Variants in C1GALT1 observed in about 807,000 individuals in gnomAD.
C1GALT1 encodes core 1 synthase, glycoprotein-N-acetylgalactosamine 3-beta-galactosyltransferase 1, also known as glycoprotein-N-acetylgalactosamine 3-beta-galactosyltransferase 1.
Under a neutral mutation model 31.0 loss-of-function variants are expected in C1GALT1, and 11 were observed. The observed-to-expected ratio is 0.36, with a 90% CI of 0.22 to 0.59. The LOEUF (loss-of-function observed/expected upper bound fraction) is 0.59, where lower values mean the gene tolerates loss of function less well. Ranked by LOEUF, C1GALT1 falls within the 20% of genes least tolerant of loss-of-function variation. The pLI, the probability that C1GALT1 is intolerant of heterozygous loss-of-function variation, is 0.79. For synonymous variants in C1GALT1, 175 were observed against 143.6 expected, an observed-to-expected ratio of 1.22 and a Z score of -1.56; for missense variants, 424 against 425.2, an observed-to-expected ratio of 1.00 and a Z score of 0.03.
chr7:7,196,819 G>C (rs1360080431), intron 1 of C1GALT1, among the ~76,000 whole-genome samples: 1 of 152,188 alleles, frequency 6.6e-6, no homozygotes, highest in African/African-American at 2.4e-5. Context: ...GGCCAGTGAT[G>C]ATGAGCATTT....
At chr7:7,230,623 T>C (rs1350106565) in intron 1 of C1GALT1, among the ~76,000 whole-genome samples, 23 of 33,826 alleles carry the variant, frequency 6.8e-4, no homozygotes, top group African/African-American at 3.5e-3. Flanking sequence ...CTATATTCCC[T>C]TTTTTTTTTT....
chr7:7,188,550 G>A (rs569752315), intron 1 of C1GALT1, among the ~76,000 whole-genome samples: 14 of 151,996 alleles, frequency 9.2e-5, no homozygotes, highest in South Asian at 4.1e-4. Flanking sequence ...AAAGTAATGT[G>A]TGTACCCGAT....
intron 1 of C1GALT1, among the ~76,000 whole-genome samples, chr7:7,213,405 A>T (rs768036298): frequency 3.9e-5 from 6 of 152,200 alleles, no homozygotes; most frequent in Admixed American, 6.5e-5. Flanking sequence ...AATCCCATAC[A>T]ATTTTGGAAC....
chr7:7,241,325 T>C (rs1783618470), intron 3 of C1GALT1, among the ~76,000 whole-genome samples: 1 of 152,028 alleles, frequency 6.6e-6, no homozygotes, highest in African/African-American at 2.4e-5. Context: ...CACTGTAACC[T>C]TACTTATAGT....
chr7:7,196,381 G>A (rs1054103984), intron 1 of C1GALT1, among the ~76,000 whole-genome samples: 3 of 152,072 alleles, frequency 2.0e-5, no homozygotes, highest in African/African-American at 7.2e-5. Context: ...TGTCCCTACA[G>A]AGGACATGAA....
At chr7:7,160,963 T>A (rs904890203) in intron 2 of C1GALT1, among the ~76,000 whole-genome samples, 3 of 152,028 alleles carry the variant, frequency 2.0e-5, no homozygotes, top group Non-Finnish European at 4.4e-5. Context: ...TAATTTACAA[T>A]CAACTTAAAT....
In C1GALT1 at chr7:7,234,297, T is replaced by C; in HGVS notation, c.-17-6T>C. The C allele has an allele frequency of 6.2e-7, 1 of 1,603,024 alleles. No homozygotes were observed. Among genetic ancestry groups the C allele is most frequent in the East Asian group, 2.2e-5 (1 of 44,738 alleles). ...TATAACATCCTGCTAATTTTTGTTC[T>C]TACAGAAATACACTTTCGGGAAATG... On this transcript the variant is annotated splice_region_variant and splice_polypyrimidine_tract_variant and intron_variant, in intron 1 of 3. Transcript: ENST00000436587.
chr7:7,206,633 G>A (rs1328758261), intron 1 of C1GALT1, among the ~76,000 whole-genome samples: 3 of 149,472 alleles, frequency 2.0e-5, no homozygotes, highest in Admixed American at 6.7e-5. Context: ...CCACGATCGC[G>A]CCATTGCACT....
intron 1 of C1GALT1, among the ~76,000 whole-genome samples, chr7:7,200,755 A>G (rs986895526): frequency 1.3e-5 from 2 of 152,100 alleles, no homozygotes; most frequent in African/African-American, 2.4e-5. Context: ...TTGATCTTCA[A>G]TCACTGATAC....
At chr7:7,191,471 C>CT (rs1341443515) in intron 1 of C1GALT1, among the ~76,000 whole-genome samples, 1 of 152,098 alleles carries the variant, frequency 6.6e-6, no homozygotes, top group Non-Finnish European at 1.5e-5. Context: ...TCTTGAAACC[C>CT]TGCTCTCATT....
chr7:7,234,519 C>T lies in C1GALT1; in HGVS notation c.200C>T (p.Ala67Val), dbSNP rs767819822. ...CTAGAAGGACAAATGAACTTCAATG[C>T]AGATTCTAGCCAACATAAAGGTATG... The part of the protein sequence containing the change: ...NHLEGQMNFN[A>V]DSSQHKDENT... The change falls in exon 2 of 4, where the codon GCA becomes GTA. Residue 67 changes from alanine (A) to valine (V), a missense_variant. By Grantham distance (64) the Ala-to-Val change is moderately conservative (BLOSUM62 0). This residue lies in a region of C1GALT1 where 189 missense variants were observed against 158.2 expected (regional missense o/e 1.19). Coordinates refer to ENST00000436587, the MANE Select transcript of C1GALT1 (RefSeq NM_020156.5). 6.2e-7 allele frequency: 1 copy of T among 1,610,078 alleles called. No homozygotes were observed. Among genetic ancestry groups the T allele is most frequent in the Non-Finnish European group, 8.5e-7 (1 of 1,176,492 alleles).
At chr7:7,236,168 G>A (rs975792348) in intron 2 of C1GALT1, among the ~76,000 whole-genome samples, 15 of 152,046 alleles carry the variant, frequency 9.9e-5, no homozygotes, top group South Asian at 2.1e-4. Flanking sequence ...TTATTGGTTT[G>A]TGTGTCAGGC....
At chr7:7,229,886 C>G (rs1301977326) in intron 1 of C1GALT1, among the ~76,000 whole-genome samples, 1 of 152,028 alleles carries the variant, frequency 6.6e-6, no homozygotes, top group Non-Finnish European at 1.5e-5. Context: ...TTGAGTGGGG[C>G]TATGTACTCA....
At chr7:7,228,871 A>G (rs1315789022) in intron 1 of C1GALT1, among the ~76,000 whole-genome samples, 2 of 152,236 alleles carry the variant, frequency 1.3e-5, no homozygotes, top group Non-Finnish European at 2.9e-5. Context: ...GTGCCTCTTC[A>G]GCTAAGAAAA....
At chr7:7,191,087 A>G (rs1389723583) in intron 1 of C1GALT1, among the ~76,000 whole-genome samples, 1 of 152,082 alleles carries the variant, frequency 6.6e-6, no homozygotes, top group African/African-American at 2.4e-5. Flanking sequence ...GTTTATCTCC[A>G]GAACTCTTTA....
chr7:7,175,585 G>A (rs931575713), intron 2 of C1GALT1, among the ~76,000 whole-genome samples: 1 of 152,180 alleles, frequency 6.6e-6, no homozygotes, highest in African/African-American at 2.4e-5. Context: ...ACTTCAGTTT[G>A]CTGTGTTTTC....
intron 2 of C1GALT1, among the ~76,000 whole-genome samples, chr7:7,172,900 C>T (rs1322834613): frequency 1.3e-5 from 2 of 152,180 alleles, no homozygotes; most frequent in East Asian, 3.9e-4. Flanking sequence ...TGAAATGTAT[C>T]TACCATTATA....
chr7:7,221,908 A>C (rs575480324), intron 1 of C1GALT1, among the ~76,000 whole-genome samples: 1 of 152,206 alleles, frequency 6.6e-6, no homozygotes, highest in African/African-American at 2.4e-5. Context: ...TTGCTTCCTG[A>C]AGACAGCCCT....
intron 1 of C1GALT1, among the ~76,000 whole-genome samples, chr7:7,225,674 A>G (rs1782726629): frequency 6.6e-6 from 1 of 152,210 alleles, no homozygotes; most frequent in African/African-American, 2.4e-5. Context: ...TAATGGCAAA[A>G]TTAAAGAGCA....
Sources: gnomAD v4.1 joint callset for allele counts (sites outside exome capture counted in the v4.1 genomes callset) on GRCh38, gnomAD v4.1.1 for gene constraint, gnomAD v4.1.1 regional missense constraint, MANE v1.5 for transcripts, NCBI Gene and HGNC (gene_info 2026-07-23, HGNC 2026-07-21) for gene names.